KALRN: variants seen among roughly 807,000 people sequenced by gnomAD.
KALRN encodes kalirin RhoGEF kinase.
Under a neutral mutation model 353.7 loss-of-function variants are expected in KALRN, and 70 were observed. The observed-to-expected ratio is 0.20, with a 90% CI of 0.16 to 0.24. KALRN has a LOEUF of 0.24. Among genes scored for constraint, KALRN ranks in the 10% least tolerant of loss-of-function variants. The pLI, the probability that KALRN is intolerant of heterozygous loss-of-function variation, is 1.00. For synonymous variants in KALRN, 1,391 were observed against 1,434.8 expected (o/e 0.97, Z 0.69); for missense variants, 2,791 against 3,756.7 (o/e 0.74, Z 6.72).
At chr3:124,177,872 T>A (rs2073006661) in intron 1 of KALRN, among the ~76,000 whole-genome samples, 1 of 152,162 alleles carries the variant, frequency 6.6e-6, no homozygotes, top group African/African-American at 2.4e-5. Context: ...CTCTTGGAAA[T>A]CAGCCCCAAT....
rs778450874 is a variant in KALRN at position 124,674,339 on chromosome 3, C to T, written c.6943-25C>T. Reference sequence around the variant, plus strand: ...TGAACTAGCGTCCTTGTGTTTGTGCCCCTCTCACCCTTATCTCCCAGCAGA... The same window carrying T: ...TGAACTAGCGTCCTTGTGTTTGTGCTCCTCTCACCCTTATCTCCCAGCAGA... On this transcript the variant is annotated intron_variant, in intron 48 of 59. Transcript: ENST00000682506. The T allele has an allele frequency of 6.9e-6, 11 of 1,597,386 alleles. No individual in the cohort carries two copies. The South Asian group carries it at 1.2e-4, about 18-fold the overall frequency.
intron 1 of KALRN, among the ~76,000 whole-genome samples, chr3:124,065,299 G>A (rs969699575): frequency 3.9e-5 from 6 of 152,208 alleles, no homozygotes; most frequent in Admixed American, 3.3e-4. Context: ...CCGGCCCTGT[G>A]CAAGGAGGAT....
At chr3:124,232,553 A>G (rs2079286335) in intron 2 of KALRN, among the ~76,000 whole-genome samples, 1 of 152,084 alleles carries the variant, frequency 6.6e-6, no homozygotes. Flanking sequence ...CTTCCCTGAG[A>G]CCTTGCTCCG....
At chr3:124,322,260 C>G (rs984735661) in intron 6 of KALRN, among the ~76,000 whole-genome samples, 2 of 152,182 alleles carry the variant, frequency 1.3e-5, no homozygotes, top group Non-Finnish European at 2.9e-5. Context: ...CTCCTGGTCT[C>G]CTGGAACTGA....
At chr3:124,307,945 A>G (rs1256059715) in intron 6 of KALRN, among the ~76,000 whole-genome samples, 1 of 152,026 alleles carries the variant, frequency 6.6e-6, no homozygotes, top group Non-Finnish European at 1.5e-5. Context: ...AGATATAAAT[A>G]GATGGAAAGT....
intron 5 of KALRN, among the ~76,000 whole-genome samples, chr3:124,273,043 A>G (rs952205365): frequency 1.3e-5 from 2 of 152,246 alleles, no homozygotes; most frequent in African/African-American, 4.8e-5. Flanking sequence ...GTGATAGTTC[A>G]GCCTCTATTT....
intron 10 of KALRN, among the ~76,000 whole-genome samples, chr3:124,376,946 G>A (rs498536): frequency 0.45 from 67,634 of 151,952 alleles, 15,493 homozygotes; most frequent in East Asian, 0.75. Flanking sequence ...GCTGTTGCAC[G>A]TGCACAATTA....
intron 1 of KALRN, among the ~76,000 whole-genome samples, chr3:124,181,662 G>T (rs1405055109): frequency 6.6e-6 from 1 of 152,188 alleles, no homozygotes; most frequent in South Asian, 2.1e-4. Flanking sequence ...GGAGGAGAAC[G>T]TGGAGGGGAG....
chr3:124,611,773 T>A (rs1241963141), intron 34 of KALRN, among the ~76,000 whole-genome samples: 2 of 152,220 alleles, frequency 1.3e-5, no homozygotes, highest in Non-Finnish European at 2.9e-5. Flanking sequence ...GCATTTCATG[T>A]CCCTTCACCC....
chr3:124,248,128 G>A (rs1441508946), intron 3 of KALRN, among the ~76,000 whole-genome samples: 3 of 152,212 alleles, frequency 2.0e-5, no homozygotes, highest in East Asian at 1.9e-4. Context: ...TCTGATAGGT[G>A]GTGAACCTCT....
chr3:124,037,465 G>A (rs190444901), intron 1 of KALRN, among the ~76,000 whole-genome samples: 1 of 152,286 alleles, frequency 6.6e-6, no homozygotes, highest in East Asian at 1.9e-4. Context: ...AATAGGGAGA[G>A]TCTTGAAAGC....
At chr3:124,290,405 A>G (rs577513034) in intron 5 of KALRN, among the ~76,000 whole-genome samples, 1 of 152,188 alleles carries the variant, frequency 6.6e-6, no homozygotes, top group Non-Finnish European at 1.5e-5. Context: ...AACTCAAGAA[A>G]GTAGTAAAAG....
At chr3:124,079,204 AT>A (rs1449654843) in intron 1 of KALRN, among the ~76,000 whole-genome samples, 2 of 152,164 alleles carry the variant, frequency 1.3e-5, no homozygotes, top group Non-Finnish European at 2.9e-5. Flanking sequence ...GGATTTTTGC[AT>A]CAAGGACAGA....
intron 34 of KALRN, among the ~76,000 whole-genome samples, chr3:124,628,799 A>T (rs988871377): frequency 7.6e-6 from 1 of 130,842 alleles, no homozygotes; most frequent in Non-Finnish European, 1.5e-5. Flanking sequence ...CATGATGGCC[A>T]GGCTGGTCCT....
At chr3:124,066,263 G>C (rs1028860679) in intron 1 of KALRN, among the ~76,000 whole-genome samples, 1 of 152,192 alleles carries the variant, frequency 6.6e-6, no homozygotes, top group African/African-American at 2.4e-5. Flanking sequence ...ATGAAGAGGG[G>C]TGTGGAGAAA....
chr3:124,717,841 T>G (rs2063218251), intron 59 of KALRN, among the ~76,000 whole-genome samples: 2 of 152,144 alleles, frequency 1.3e-5, no homozygotes. Flanking sequence ...AGACAGAGTC[T>G]GACTCTGTTG....
At chr3:124,132,567 G>T (rs1402572896) in intron 1 of KALRN, among the ~76,000 whole-genome samples, 1 of 152,174 alleles carries the variant, frequency 6.6e-6, no homozygotes, top group African/African-American at 2.4e-5. Context: ...GGTCAGCCTG[G>T]GCAGAGATCT....
At chr3:124,280,026 G>A (rs901982658) in intron 5 of KALRN, among the ~76,000 whole-genome samples, 3 of 152,162 alleles carry the variant, frequency 2.0e-5, no homozygotes, top group African/African-American at 7.2e-5. Flanking sequence ...CATGCCATGT[G>A]GGTTACCAGG....
Position 124,413,622 on chromosome 3 carries a change from G to A in KALRN, c.2499G>A (p.Gln833=). Residue 833 remains glutamine (Q), a synonymous_variant, in exon 14 of 60, where the codon CAG becomes CAA. Transcript: ENST00000682506. ...ACATGACCTTTGAGGTTATCCAGCA[G>A]GGACAGGATCTGCACCAGTACATCA... ...MNNMTFEVIQ[Q]GQDLHQYITE... 6.2e-7 allele frequency: 1 copy of A among 1,614,146 alleles called. No homozygotes were observed. Among genetic ancestry groups the A allele is most frequent in the Non-Finnish European group, 8.5e-7 (1 of 1,180,020 alleles).
Sources: allele counts gnomAD v4.1 joint callset (sites outside exome capture counted in the v4.1 genomes callset), GRCh38; gene constraint gnomAD v4.1.1; transcripts MANE v1.5; gene names NCBI Gene and HGNC (gene_info 2026-07-23, HGNC 2026-07-21).